The following RASSF6 variants were observed in gnomAD, a reference collection of about 807,000 sequenced individuals.
RASSF6 encodes the protein Ras association domain family member 6.
Under a neutral mutation model 44.0 loss-of-function variants are expected in RASSF6, and 52 were observed. The observed-to-expected ratio is 1.18, with a 90% CI of 0.95 to 1.49. The LOEUF (loss-of-function observed/expected upper bound fraction) is 1.49. RASSF6 is among the 40% of genes most tolerant of loss of function. The probability of loss-of-function intolerance (pLI) is 0.00; values close to 1 mark genes in which losing one functional copy is unlikely to be tolerated. For missense variants in RASSF6, 464 were observed against 393.3 expected (o/e 1.18, Z -1.52); for synonymous variants, 162 against 124.6 (o/e 1.30, Z -2.00).
At chr4:73,578,967 C>CT (rs1017143392) in intron 8 of RASSF6, among the ~76,000 whole-genome samples, 9 of 152,104 alleles carry the variant, frequency 5.9e-5, no homozygotes, top group Non-Finnish European at 1.2e-4. Flanking sequence ...GGTAATCTAT[C>CT]TCAATGGTTT....
chr4:73,608,095 A>G (rs1424622695), intron 2 of RASSF6, among the ~76,000 whole-genome samples: 1 of 141,446 alleles, frequency 7.1e-6, no homozygotes, highest in Non-Finnish European at 1.5e-5. Context: ...TGCTTATGGT[A>G]TGCTCTCAAA....
chr4:73,602,698 G>A (rs948131935), intron 2 of RASSF6, among the ~76,000 whole-genome samples: 4 of 152,176 alleles, frequency 2.6e-5, no homozygotes, highest in Non-Finnish European at 5.9e-5. Context: ...CTGTTTGATG[G>A]CCCTTAAAAT....
chr4:73,607,814 C>CTCCT (rs1725743441), intron 2 of RASSF6, among the ~76,000 whole-genome samples: 15 of 141,638 alleles, frequency 1.1e-4, no homozygotes, highest in Admixed American at 2.1e-4. Flanking sequence ...AGGACAGCTA[C>CTCCT]CTCCTCTCCT....
intron 2 of RASSF6, 61 bp from the exon 3 acceptor site, chr4:73,598,779 A>T (rs570079801): frequency 8.2e-4 from 572 of 701,398 alleles, no homozygotes; most frequent in Non-Finnish European, 1.2e-3. Flanking sequence ...AAAGGTGATA[A>T]TGGTACTTTC....
chr4:73,613,894 C>T (rs1055449400), intron 1 of RASSF6, among the ~76,000 whole-genome samples: 2 of 152,154 alleles, frequency 1.3e-5, no homozygotes, highest in Admixed American at 6.5e-5. Context: ...TCTATCTATA[C>T]ATTCTTCCAG....
At chr4:73,586,822 A>G (rs978524428) in intron 5 of RASSF6, among the ~76,000 whole-genome samples, 1 of 151,902 alleles carries the variant, frequency 6.6e-6, no homozygotes, top group African/African-American at 2.4e-5. Context: ...TGGCATAAAG[A>G]GAAAAGGGAA....
In RASSF6 at chr4:73,582,130, G is replaced by A. The variant is rs901482270; in HGVS notation, c.669+59C>T. On this transcript the variant is annotated intron_variant, in intron 7 of 10. Transcript: ENST00000307439. Reference sequence around the variant, plus strand: ...ATCTGTTTCAGAAGAGTGGATTTGTGTGTTTATAGTTGAATTATATATAAT... The same window carrying A: ...ATCTGTTTCAGAAGAGTGGATTTGTATGTTTATAGTTGAATTATATATAAT... The A allele has an allele frequency of 5.8e-5, 47 of 813,652 alleles. No individual in the cohort carries two copies. In the African/African-American group the frequency reaches 7.5e-4, roughly 13 times the overall value. The allele number at this position is 813,652 out of a possible 1,614,324, so 50.4% of individuals were successfully genotyped here. A position where few individuals can be genotyped will look rare whatever the true frequency, so the allele number is the denominator to read the frequency against.
intron 2 of RASSF6, among the ~76,000 whole-genome samples, chr4:73,600,266 T>C (rs1355612174): frequency 6.6e-6 from 1 of 152,154 alleles, no homozygotes; most frequent in African/African-American, 2.4e-5. Flanking sequence ...ATCCTGTGCC[T>C]GGAAGAGTAC....
Position 73,598,671 on chromosome 4 carries a change from T to C in RASSF6, c.113A>G (p.Asn38Ser). Reference sequence around the variant, plus strand: ...ATATAAAATATGCAGATTTTTCTGGTTCTCATAAAAAATGTTATAGGTCTT... The same window carrying C: ...ATATAAAATATGCAGATTTTTCTGGCTCTCATAAAAAATGTTATAGGTCTT... Reference protein sequence around the residue: ...LLKTYNIFYENQKNLHILYGE... With the variant: ...LLKTYNIFYESQKNLHILYGE... Residue 38 changes from asparagine (N) to serine (S), a missense_variant, in exon 3 of 11, where the codon AAC becomes AGC. Physicochemically the swap from Asn to Ser is conservative, Grantham distance 46 (BLOSUM62 1). Coordinates refer to ENST00000307439, the MANE Select transcript of RASSF6 (RefSeq NM_177532.5). 6.5e-7 allele frequency: 1 copy of C among 1,535,950 alleles called. No homozygotes were observed. Among genetic ancestry groups the C allele is most frequent in the Non-Finnish European group, 8.9e-7 (1 of 1,129,452 alleles).
At chr4:73,615,886 C>T in intron 1 of RASSF6, 2 of 1,550,278 alleles carry the variant, frequency 1.3e-6, no homozygotes, top group Non-Finnish European at 1.7e-6. Flanking sequence ...CTTGCCTGGA[C>T]TTACCAGTTG....
rs1723074710 is a variant in RASSF6, at chr4:73,574,200, C to T, written c.*2035G>A. On this transcript the variant is annotated 3_prime_UTR_variant, in exon 11 of 11. Coordinates refer to ENST00000307439, the MANE Select transcript of RASSF6 (RefSeq NM_177532.5). ...AGGACCCTGCTGGGCTGGCCAACTA[C>T]TGAGCCACTTGCCTGAGCTTTGTCT... 6.6e-6 allele frequency: 1 copy of T among 152,494 alleles called. No individual in the cohort carries two copies. Among genetic ancestry groups the T allele is most frequent in the African/African-American group, 2.4e-5 (1 of 41,458 alleles). 9.4% of individuals were successfully genotyped at this position (152,494 alleles called of 1,614,324 possible). A position where few individuals can be genotyped will look rare whatever the true frequency, so the allele number is the denominator to read the frequency against.
intron 6 of RASSF6, among the ~76,000 whole-genome samples, chr4:73,584,083 CTG>C (rs1168454101): frequency 5.3e-5 from 8 of 152,084 alleles, no homozygotes; most frequent in Non-Finnish European, 1.2e-4. Context: ...AGGTACCTCT[CTG>C]TGGGGGACTA....
Position 73,575,016 on chromosome 4 carries a change from T to C in RASSF6, c.*1219A>G, listed in dbSNP as rs1159256935. 2.0e-5 allele frequency: 3 copies of C among 152,206 alleles called. No individual in the cohort carries two copies. Among genetic ancestry groups the C allele is most frequent in the Admixed American group, 6.5e-5 (1 of 15,282 alleles). The allele number at this position is 152,206 out of a possible 1,614,324, so 9.4% of individuals were successfully genotyped here. ...AGACTTCTTAGGCTTGAAAAGGCCA[T>C]AGCACACTTTCACCTTCAACCAGTT... On this transcript the variant is annotated 3_prime_UTR_variant, in exon 11 of 11. Transcript: ENST00000307439.
intron 1 of RASSF6, among the ~76,000 whole-genome samples, chr4:73,617,726 TTA>T (rs1489309882): frequency 2.0e-5 from 3 of 152,236 alleles, no homozygotes; most frequent in African/African-American, 7.2e-5. Flanking sequence ...GTTGTTGAGA[TTA>T]TGTTATGAAA....
chr4:73,590,193 A>C (rs898349866), intron 4 of RASSF6, among the ~76,000 whole-genome samples: 19 of 152,212 alleles, frequency 1.2e-4, no homozygotes, highest in Admixed American at 1.2e-3. Context: ...GCTCAAAAAA[A>C]CTGATTTTTT....
At chr4:73,613,501 C>T (rs1158307495) in intron 1 of RASSF6, among the ~76,000 whole-genome samples, 1 of 152,106 alleles carries the variant, frequency 6.6e-6, no homozygotes, top group Non-Finnish European at 1.5e-5. Context: ...TTATTAATGT[C>T]CCCGACTGAA....
intron 1 of RASSF6, among the ~76,000 whole-genome samples, chr4:73,620,046 C>G (rs1201615231): frequency 6.6e-6 from 1 of 152,046 alleles, no homozygotes; most frequent in African/African-American, 2.4e-5. Context: ...TACCTCCAAG[C>G]CCTTCTCTGC....
intron 1 of RASSF6, among the ~76,000 whole-genome samples, chr4:73,614,084 T>C (rs1055993654): frequency 2.0e-5 from 3 of 152,226 alleles, no homozygotes; most frequent in Non-Finnish European, 4.4e-5. Context: ...CATCTAGGCA[T>C]CAAAACTAAT....
At chr4:73,582,860 G>A (rs1025043158) in intron 6 of RASSF6, among the ~76,000 whole-genome samples, 16 of 147,046 alleles carry the variant, frequency 1.1e-4, no homozygotes, top group African/African-American at 3.5e-4. Flanking sequence ...ACACACACAC[G>A]GCATTTGTGT....
Sources: gnomAD v4.1 joint callset for allele counts (sites outside exome capture counted in the v4.1 genomes callset) on GRCh38, gnomAD v4.1.1 for gene constraint, MANE v1.5 for transcripts, NCBI Gene and HGNC (gene_info 2026-07-23, HGNC 2026-07-21) for gene names.